The following FYB1 variants were observed in gnomAD, a reference collection of about 807,000 sequenced individuals.
FYB1 encodes FYN binding protein 1.
Under a neutral mutation model 94.1 loss-of-function variants are expected in FYB1, and 41 were observed. The observed-to-expected ratio is 0.44, with a 90% CI of 0.34 to 0.57. The LOEUF is 0.57. FYB1 is among the 20% of genes least tolerant of loss of function. The pLI is 0.02. For synonymous variants in FYB1, 367 were observed against 353.2 expected (o/e 1.04, Z -0.44); for missense variants, 1,050 against 976.8 (o/e 1.07, Z -1.00).
intron 7 of FYB1, among the ~76,000 whole-genome samples, chr5:39,136,361 G>A (rs758705631): frequency 7.2e-5 from 11 of 151,856 alleles, no homozygotes; most frequent in Non-Finnish European, 1.3e-4. Flanking sequence ...GAGCCACCAC[G>A]CCTGGCCTAC....
intron 1 of FYB1, among the ~76,000 whole-genome samples, chr5:39,241,721 T>C (rs1751214698): frequency 6.6e-6 from 1 of 152,144 alleles, no homozygotes; most frequent in South Asian, 2.1e-4. Context: ...ATGCTACATA[T>C]GATACAGACC....
In FYB1 at chr5:39,126,285, G is replaced by A. The variant is rs946974436; in HGVS notation, c.1908-150C>T. The A allele has an allele frequency of 8.5e-6, 7 of 825,260 alleles. No individual in the cohort carries two copies. In the African/African-American group the frequency reaches 1.2e-4, roughly 14 times the overall value. The allele number at this position is 825,260 out of a possible 1,614,324, so 51.1% of individuals were successfully genotyped here. A position where few individuals can be genotyped will look rare whatever the true frequency, so the allele number is the denominator to read the frequency against. The stretch of plus-strand genomic sequence containing the variant: ...AACTCATTTTATTGGACAAAATAGT[G>A]TTATTAAATTTACAGATCATGGTGA... On this transcript the variant is annotated intron_variant, in intron 11 of 18. Coordinates refer to ENST00000512982, the MANE Select transcript of FYB1 (RefSeq NM_001465.6).
intron 2 of FYB1, among the ~76,000 whole-genome samples, chr5:39,179,649 G>A (rs1256631256): frequency 6.6e-6 from 1 of 150,752 alleles, no homozygotes; most frequent in African/African-American, 2.4e-5. Context: ...GAGTTCAAGC[G>A]ATTCTCCTGC....
At chr5:39,233,126 C>T (rs1294271834) in intron 1 of FYB1, among the ~76,000 whole-genome samples, 1 of 152,100 alleles carries the variant, frequency 6.6e-6, no homozygotes, top group Non-Finnish European at 1.5e-5. Context: ...AGTTCTAGAT[C>T]CCTGAGGAAT....
intron 4 of FYB1, among the ~76,000 whole-genome samples, chr5:39,140,887 A>T (rs932619995): frequency 2.0e-5 from 3 of 152,232 alleles, no homozygotes; most frequent in Non-Finnish European, 4.4e-5. Flanking sequence ...CATACACATT[A>T]AATATGTTAG....
At chr5:39,139,978 T>A (rs1742017625) in intron 4 of FYB1, 1 of 152,162 alleles carries the variant, frequency 6.6e-6, no homozygotes, top group Non-Finnish European at 1.5e-5. Flanking sequence ...CATGAGGCAA[T>A]TCTGGATTTC....
chr5:39,198,102 T>C (rs1409643189), intron 2 of FYB1, among the ~76,000 whole-genome samples: 4 of 152,238 alleles, frequency 2.6e-5, no homozygotes, highest in African/African-American at 9.6e-5. Flanking sequence ...ATTTTGATAC[T>C]ATTATATGTC....
chr5:39,201,651 C>G (rs1320420193), intron 2 of FYB1, among the ~76,000 whole-genome samples, 175 bp downstream of exon 2: 1 of 152,082 alleles, frequency 6.6e-6, no homozygotes, highest in South Asian at 2.1e-4. Context: ...TGAAGACTTC[C>G]TACTTTCCCA....
intron 10 of FYB1, among the ~76,000 whole-genome samples, chr5:39,128,612 T>A (rs1221111117): frequency 6.6e-6 from 1 of 152,090 alleles, no homozygotes; most frequent in African/African-American, 2.4e-5. Context: ...GTCAAGACTG[T>A]CCTGAACACA....
At chr5:39,164,980 C>G (rs956445493) in intron 2 of FYB1, among the ~76,000 whole-genome samples, 1 of 152,128 alleles carries the variant, frequency 6.6e-6, no homozygotes, top group Non-Finnish European at 1.5e-5. Context: ...GTGTTCTTAG[C>G]GTGACTCAAA....
intron 2 of FYB1, among the ~76,000 whole-genome samples, chr5:39,193,935 G>A (rs1302447498): frequency 6.6e-6 from 1 of 152,166 alleles, no homozygotes; most frequent in Admixed American, 6.5e-5. Flanking sequence ...TATCACACTG[G>A]ATTAGAACTT....
chr5:39,119,059 T>A, intron 15 of FYB1, 23 bp from the exon 16 acceptor site: 1 of 1,167,186 alleles, frequency 8.6e-7, no homozygotes, highest in Non-Finnish European at 1.2e-6. Flanking sequence ...GAACAATATT[T>A]AAATTATTGG....
At chr5:39,117,796 A>T (rs1000616001) in intron 16 of FYB1, among the ~76,000 whole-genome samples, 1 of 152,160 alleles carries the variant, frequency 6.6e-6, no homozygotes, top group East Asian at 1.9e-4. Flanking sequence ...AATATAAGAC[A>T]ATGTAATTTT....
intron 6 of FYB1, 88 bp from the exon 7 acceptor site, chr5:39,137,808 A>C: frequency 6.6e-7 from 1 of 1,509,020 alleles, no homozygotes; most frequent in Non-Finnish European, 8.9e-7. Flanking sequence ...CTCACAACAG[A>C]AAAGGTGGTA....
chr5:39,110,330 ATAG>A, intron 17 of FYB1, 23 bp downstream of exon 17: 1 of 1,520,184 alleles, frequency 6.6e-7, no homozygotes, highest in African/African-American at 1.4e-5. Context: ...TTTCACAAGC[ATAG>A]TAGTAGAAGA....
rs758654124 is a variant in FYB1, at chr5:39,201,959, C to A, written c.1002G>T (p.Lys334Asn). ...TCGGGGTGGCTGAATTCTTGTCTCC[C>A]TTTTCCTTTTCCTGACTTTGGCCCC... ...GPWGQSQEKE[K>N]GDKNSATPKQ... is the part of the protein sequence containing the mutation. Residue 334 changes from lysine (K) to asparagine (N), a missense_variant, in exon 2 of 19, where the codon AAG becomes AAT. Coordinates refer to ENST00000512982, the MANE Select transcript of FYB1 (RefSeq NM_001465.6). 2 of 1,614,000 alleles carry A rather than the reference C, an allele frequency of 1.2e-6. No individual in the cohort carries two copies. The highest frequency in any genetic ancestry group is 1.7e-6 in the Non-Finnish European group (2 of 1,179,878).
intron 9 of FYB1, among the ~76,000 whole-genome samples, chr5:39,132,729 T>A (rs1467399221): frequency 6.6e-6 from 1 of 152,212 alleles, no homozygotes; most frequent in Non-Finnish European, 1.5e-5. Context: ...AGTATGCACA[T>A]CCATGTAAAT....
chr5:39,113,169 G>C (rs529532892), intron 16 of FYB1, among the ~76,000 whole-genome samples: 1 of 150,972 alleles, frequency 6.6e-6, no homozygotes, highest in African/African-American at 2.4e-5. Flanking sequence ...CTCCATTATA[G>C]GTCCTAGAAA....
intron 1 of FYB1, among the ~76,000 whole-genome samples, chr5:39,249,426 C>T (rs1253352243): frequency 6.6e-6 from 1 of 152,142 alleles, no homozygotes; most frequent in Non-Finnish European, 1.5e-5. Context: ...GTTCCAATAA[C>T]ACATTCTTTG....
Sources: allele counts gnomAD v4.1 joint callset (sites outside exome capture counted in the v4.1 genomes callset), GRCh38; gene constraint gnomAD v4.1.1; transcripts MANE v1.5; gene names NCBI Gene and HGNC (gene_info 2026-07-23, HGNC 2026-07-21).